RIMS2: variants seen among roughly 807,000 people sequenced by gnomAD.
The protein encoded by RIMS2 is regulating synaptic membrane exocytosis protein 2.
Under a neutral mutation model 174.4 loss-of-function variants are expected in RIMS2, and 59 were observed. The observed-to-expected ratio is 0.34, with a 90% CI of 0.27 to 0.42. The LOEUF (loss-of-function observed/expected upper bound fraction) is 0.42. Among genes scored for constraint, RIMS2 ranks in the 10% least tolerant of loss-of-function variants. The probability of loss-of-function intolerance (pLI) is 1.00; values close to 1 mark genes in which losing one functional copy is unlikely to be tolerated. For synonymous variants in RIMS2, 606 were observed against 572.5 expected, an observed-to-expected ratio of 1.06 and a Z score of -0.84; for missense variants, 1,620 against 1,666.3, an observed-to-expected ratio of 0.97 and a Z score of 0.48.
intron 19 of RIMS2, among the ~76,000 whole-genome samples, chr8:104,052,741 C>A (rs1394803169): frequency 6.6e-6 from 1 of 151,846 alleles, no homozygotes; most frequent in Non-Finnish European, 1.5e-5. Context: ...GACTAGGAGA[C>A]AACTGGAAAT....
chr8:103,759,368 A>T (rs2098079031), intron 2 of RIMS2, among the ~76,000 whole-genome samples: 1 of 152,002 alleles, frequency 6.6e-6, no homozygotes. Flanking sequence ...GATCGAGACC[A>T]TCCTGGCTAA....
intron 3 of RIMS2, among the ~76,000 whole-genome samples, chr8:103,802,502 T>A (rs2098618522): frequency 6.6e-6 from 1 of 152,190 alleles, no homozygotes; most frequent in Non-Finnish European, 1.5e-5. Context: ...GTCAAGGATA[T>A]AATGGATAAG....
intron 1 of RIMS2, among the ~76,000 whole-genome samples, chr8:103,603,410 G>T (rs2094865361): frequency 6.7e-6 from 1 of 148,940 alleles, no homozygotes; most frequent in East Asian, 2.0e-4. Flanking sequence ...TTGGGCATTT[G>T]GGTTGGTTCC....
intron 1 of RIMS2, among the ~76,000 whole-genome samples, chr8:103,511,091 C>T (rs1195067608): frequency 6.6e-6 from 1 of 151,926 alleles, no homozygotes; most frequent in Non-Finnish European, 1.5e-5. Context: ...TTCAAAGTGC[C>T]GCCAATCTGC....
At chr8:103,612,794 A>G (rs1199699609) in intron 1 of RIMS2, among the ~76,000 whole-genome samples, 1 of 151,862 alleles carries the variant, frequency 6.6e-6, no homozygotes, top group African/African-American at 2.4e-5. Context: ...CTGGTCTCGA[A>G]CTCCTGACCT....
intron 1 of RIMS2, among the ~76,000 whole-genome samples, chr8:103,647,557 CT>C (rs2096364516): frequency 6.6e-6 from 1 of 152,018 alleles, no homozygotes; most frequent in Non-Finnish European, 1.5e-5. Flanking sequence ...TCGTCCTGGG[CT>C]TTTTTGGGTT....
intron 3 of RIMS2, among the ~76,000 whole-genome samples, chr8:103,790,148 A>G (rs935948939): frequency 3.9e-5 from 6 of 152,130 alleles, no homozygotes; most frequent in African/African-American, 1.4e-4. Flanking sequence ...ACAAATGTAC[A>G]CCTAAGTGGT....
At chr8:103,729,608 G>A (rs1048680994) in intron 2 of RIMS2, among the ~76,000 whole-genome samples, 1 of 151,546 alleles carries the variant, frequency 6.6e-6, no homozygotes, top group Admixed American at 6.6e-5. Flanking sequence ...CTTATTTTGG[G>A]TTTGGTTTTC....
At chr8:103,611,039 G>C (rs1564005721) in intron 1 of RIMS2, among the ~76,000 whole-genome samples, 3 of 151,970 alleles carry the variant, frequency 2.0e-5, no homozygotes, top group Admixed American at 1.3e-4. Context: ...ATTTCTTCCT[G>C]GTTCAGTCTT....
intron 3 of RIMS2, among the ~76,000 whole-genome samples, chr8:103,790,772 C>T (rs1006904640): frequency 2.0e-4 from 30 of 152,264 alleles, no homozygotes; most frequent in African/African-American, 7.0e-4. Context: ...AAGGCCCTTT[C>T]TTCTTCACTA....
chr8:103,755,703 C>T (rs2097986836), intron 2 of RIMS2, among the ~76,000 whole-genome samples: 1 of 151,934 alleles, frequency 6.6e-6, no homozygotes, highest in East Asian at 1.9e-4. Flanking sequence ...TCCTTTCTTC[C>T]ACTTGATCAA....
chr8:103,726,545 A>G (rs1271884552), intron 2 of RIMS2, among the ~76,000 whole-genome samples: 1 of 151,852 alleles, frequency 6.6e-6, no homozygotes, highest in Non-Finnish European at 1.5e-5. Flanking sequence ...AGTCCTAAAT[A>G]GGCCATATAG....
chr8:104,203,289 G>T (rs1241498543), intron 19 of RIMS2, among the ~76,000 whole-genome samples: 1 of 152,042 alleles, frequency 6.6e-6, no homozygotes, highest in Non-Finnish European at 1.5e-5. Flanking sequence ...GAAAAGATAT[G>T]TGAAAAAGCT....
chr8:103,523,120 A>ATG (rs148078359), intron 1 of RIMS2, among the ~76,000 whole-genome samples: 18 of 150,144 alleles, frequency 1.2e-4, no homozygotes, highest in Admixed American at 6.7e-4. Context: ...GTGTGTGTGC[A>ATG]TGTGTGTGTG....
At chr8:103,750,842 T>C (rs942486721) in intron 2 of RIMS2, among the ~76,000 whole-genome samples, 2 of 152,114 alleles carry the variant, frequency 1.3e-5, no homozygotes, top group African/African-American at 2.4e-5. Context: ...TTAAACCACT[T>C]GTCTTTATAA....
intron 3 of RIMS2, among the ~76,000 whole-genome samples, chr8:103,821,764 C>G (rs1183862883): frequency 6.6e-6 from 1 of 151,392 alleles, no homozygotes; most frequent in Non-Finnish European, 1.5e-5. Flanking sequence ...TTTTAATTAA[C>G]ACTAAAGTGG....
chr8:103,926,475 G>T (rs7813608), intron 10 of RIMS2, among the ~76,000 whole-genome samples: 3,632 of 151,620 alleles, frequency 0.024, 165 homozygotes, highest in African/African-American at 0.083. Context: ...GAGAGAGAGA[G>T]ATTGAGAGAG....
intron 2 of RIMS2, among the ~76,000 whole-genome samples, chr8:103,731,849 T>A (rs2097600027): frequency 6.6e-6 from 1 of 152,210 alleles, no homozygotes; most frequent in Admixed American, 6.5e-5. Flanking sequence ...CTGAATTCCT[T>A]CTCCATGTTA....
chr8:104,150,183 A>C (rs946707080), intron 19 of RIMS2, among the ~76,000 whole-genome samples: 3 of 152,138 alleles, frequency 2.0e-5, no homozygotes, highest in Non-Finnish European at 2.9e-5. Context: ...TCAATCTAAA[A>C]CTTCTCTAAA....
Sources: allele counts gnomAD v4.1 joint callset (sites outside exome capture counted in the v4.1 genomes callset), GRCh38; gene constraint gnomAD v4.1.1; transcripts MANE v1.5; gene names NCBI Gene and HGNC (gene_info 2026-07-23, HGNC 2026-07-21).